The following TNRC6B variants were observed in gnomAD, a reference collection of about 807,000 sequenced individuals.
The protein encoded by TNRC6B is trinucleotide repeat-containing gene 6B protein.
Under a neutral mutation model 203.6 loss-of-function variants are expected in TNRC6B, and 52 were observed. The observed-to-expected ratio is 0.26, with a 90% CI of 0.20 to 0.32. TNRC6B has a LOEUF of 0.32. Among genes scored for constraint, TNRC6B ranks in the 10% least tolerant of loss-of-function variants. The pLI, the probability that TNRC6B is intolerant of heterozygous loss-of-function variation, is 1.00. For missense variants in TNRC6B, 1,923 were observed against 2,286.2 expected (o/e 0.84, Z 3.24); for synonymous variants, 838 against 845.7 (o/e 0.99, Z 0.16).
At chr22:40,315,849 A>G in intron 20 of TNRC6B, 93 bp from the exon 21 acceptor site, 1 of 960,936 alleles carries the variant, frequency 1.0e-6, no homozygotes, top group Non-Finnish European at 1.6e-6. Flanking sequence ...AAAGCAGAGA[A>G]GAAATGTGAG....
intron 2 of TNRC6B, 36 bp downstream of exon 2, chr22:40,246,138 C>T: frequency 6.2e-6 from 9 of 1,455,714 alleles, no homozygotes; most frequent in Non-Finnish European, 8.3e-6. Flanking sequence ...TTTTTATCTG[C>T]TAGGCATCCA....
intron 1 of TNRC6B, among the ~76,000 whole-genome samples, 184 bp downstream of exon 1, chr22:40,178,324 CGTG>C (rs1406654423): frequency 3.9e-5 from 6 of 152,178 alleles, no homozygotes; most frequent in Admixed American, 6.5e-5. Flanking sequence ...ATGGAAAAGA[CGTG>C]GTAAAATATT....
In TNRC6B at chr22:40,322,961, C is replaced by T. The variant is rs202053674; in HGVS notation, c.5222C>T (p.Ala1741Val). The T allele has an allele frequency of 1.9e-5, 30 of 1,612,886 alleles. No individual in the cohort carries two copies. Among genetic ancestry groups the T allele is most frequent in the Middle Eastern group, 1.7e-4 (1 of 6,056 alleles). The change falls in exon 23 of 23, where the codon GCG becomes GTG. Residue 1741 changes from alanine (A) to valine (V), a missense_variant. Coordinates refer to ENST00000454349, the MANE Select transcript of TNRC6B (RefSeq NM_001162501.2). Reference sequence around the variant, plus strand: ...CCTACACCTGCAGCAACCCCAAGTGCGCCAGCTGCGGGGTGGCAGTCGCTG... The same window carrying T: ...CCTACACCTGCAGCAACCCCAAGTGTGCCAGCTGCGGGGTGGCAGTCGCTG... ...QPPTPAATPS[A>V]PAAGWQSLET... is the part of the protein sequence containing the mutation.
chr22:40,279,438 A>G (rs2070695282), intron 9 of TNRC6B, among the ~76,000 whole-genome samples: 1 of 152,236 alleles, frequency 6.6e-6, no homozygotes, highest in Non-Finnish European at 1.5e-5. Flanking sequence ...TGGTATAGTT[A>G]TGGCACCTGG....
intron 1 of TNRC6B, among the ~76,000 whole-genome samples, chr22:40,092,625 C>A (rs2068159124): frequency 6.6e-6 from 1 of 152,116 alleles, no homozygotes; most frequent in Non-Finnish European, 1.5e-5. Flanking sequence ...CCTCCCACTT[C>A]AGCCTCCCAA....
intron 21 of TNRC6B, 97 bp from the exon 22 acceptor site, chr22:40,320,992 TG>T: frequency 7.1e-7 from 1 of 1,414,018 alleles, no homozygotes; most frequent in Non-Finnish European, 9.7e-7. Flanking sequence ...ATTTGCAAAA[TG>T]GGCACACTAG....
At chr22:40,221,317 G>T (rs2069705157) in intron 1 of TNRC6B, among the ~76,000 whole-genome samples, 1 of 152,090 alleles carries the variant, frequency 6.6e-6, no homozygotes, top group Non-Finnish European at 1.5e-5. Context: ...AGCTATTTCA[G>T]GAACAATGTT....
Position 40,281,113 on chromosome 22 carries a change from T to A in TNRC6B, c.3412-6T>A. Reference sequence around the variant, plus strand: ...TTGTGATTGGCTAACTCCTACTACTTTTCAGCTGACTTTGCCTTTCTCCAA... The same window carrying A: ...TTGTGATTGGCTAACTCCTACTACTATTCAGCTGACTTTGCCTTTCTCCAA... On this transcript the variant is annotated splice_polypyrimidine_tract_variant and splice_region_variant and intron_variant, in intron 10 of 22. Transcript: ENST00000454349. 1 of 1,547,136 alleles carries A rather than the reference T, an allele frequency of 6.5e-7. No homozygotes were observed. Among genetic ancestry groups the A allele is most frequent in the Non-Finnish European group, 8.7e-7 (1 of 1,144,840 alleles).
chr22:40,322,995 C>G lies in TNRC6B; in HGVS notation c.5256C>G (p.Gly1752=), dbSNP rs1274199677. The G allele has an allele frequency of 1.9e-6, 3 of 1,609,430 alleles. No individual in the cohort carries two copies. The highest frequency in any genetic ancestry group is 1.7e-5 in the Admixed American group (1 of 59,000). The stretch of plus-strand genomic sequence containing the variant: ...CGGGGTGGCAGTCGCTGGAGACCGG[C>G]CAGAACCAGTCAGATCCCGTGGGAC... ...PAAGWQSLET[G]QNQSDPVGPA... The change falls in exon 23 of 23, where the codon GGC becomes GGG. Residue 1752 remains glycine, a synonymous_variant. Coordinates refer to ENST00000454349, the MANE Select transcript of TNRC6B (RefSeq NM_001162501.2).
chr22:40,113,135 G>C (rs910774338), intron 1 of TNRC6B, among the ~76,000 whole-genome samples: 1 of 152,178 alleles, frequency 6.6e-6, no homozygotes, highest in Admixed American at 6.5e-5. Flanking sequence ...ACTAGGAAGG[G>C]AAAGAGGGGA....
rs373583811 is a variant in TNRC6B at position 40,265,257 on chromosome 22, T to G, written c.1027T>G (p.Ser343Ala). ...SAQVSTVGQT[S>A]REQQSKMENA... ...ACAGGTTAGCACAGTAGGTCAGACA[T>G]CCAGGGAACAGCAGTCAAAGATGGA... Residue 343 changes from serine (S) to alanine (A), a missense_variant, in exon 5 of 23, where the codon TCC (serine) becomes GCC (alanine). Physicochemically the swap from Ser to Ala is moderately conservative, Grantham distance 99. Coordinates refer to ENST00000454349, the MANE Select transcript of TNRC6B (RefSeq NM_001162501.2). 8.1e-5 allele frequency: 130 copies of G among 1,613,874 alleles called. No individual in the cohort carries two copies. Among genetic ancestry groups the G allele is most frequent in the Non-Finnish European group, 1.7e-5 (20 of 1,179,902 alleles).
intron 3 of TNRC6B, among the ~76,000 whole-genome samples, chr22:40,152,876 G>A (rs1222354071): frequency 1.3e-5 from 2 of 152,130 alleles, no homozygotes; most frequent in Non-Finnish European, 2.9e-5. Flanking sequence ...TGAGGCAGAT[G>A]GGTCACCTGA....
chr22:40,081,930 T>A (rs1416328761), intron 1 of TNRC6B, among the ~76,000 whole-genome samples: 1 of 149,738 alleles, frequency 6.7e-6, no homozygotes, highest in African/African-American at 2.5e-5. Flanking sequence ...GTGGTGCCAT[T>A]ATTCTCTTTA....
intron 1 of TNRC6B, among the ~76,000 whole-genome samples, chr22:40,217,562 G>T (rs2146430459): frequency 6.6e-6 from 1 of 152,194 alleles, no homozygotes; most frequent in East Asian, 1.9e-4. Context: ...TAGTCTTCTA[G>T]AATTTACACA....
chr22:40,226,665 AGGAAAATCAAAT>A (rs1426885418), intron 1 of TNRC6B, among the ~76,000 whole-genome samples: 1 of 152,230 alleles, frequency 6.6e-6, no homozygotes, highest in Non-Finnish European at 1.5e-5. Context: ...ACATGGTCAG[AGGAAAATCAAAT>A]GTATCATTGT....
intron 4 of TNRC6B, among the ~76,000 whole-genome samples, chr22:40,168,226 C>A (rs966256835): frequency 1.3e-5 from 2 of 152,154 alleles, no homozygotes; most frequent in Non-Finnish European, 2.9e-5. Flanking sequence ...AGTATTCATC[C>A]ATTCATTCCT....
At chr22:40,245,886 A>C in intron 1 of TNRC6B, 129 bp from the exon 2 acceptor site, 1 of 511,982 alleles carries the variant, frequency 2.0e-6, no homozygotes, top group African/African-American at 2.0e-5. Flanking sequence ...ATTTAAATGA[A>C]ATACTGTGTT....
intron 4 of TNRC6B, among the ~76,000 whole-genome samples, chr22:40,157,203 A>T (rs1270557722): frequency 2.0e-5 from 3 of 152,134 alleles, no homozygotes; most frequent in Admixed American, 1.3e-4. Flanking sequence ...CTGGTTTTTC[A>T]TATGCCCTTT....
At chr22:40,077,739 A>G (rs575850194) in intron 1 of TNRC6B, among the ~76,000 whole-genome samples, 106 of 152,014 alleles carry the variant, frequency 7.0e-4, no homozygotes, top group Non-Finnish European at 1.4e-3. Flanking sequence ...TGAGATAACC[A>G]CTGTTAACAT....
Sources: allele counts gnomAD v4.1 joint callset (sites outside exome capture counted in the v4.1 genomes callset), GRCh38; gene constraint gnomAD v4.1.1; transcripts MANE v1.5; gene names NCBI Gene and HGNC (gene_info 2026-07-23, HGNC 2026-07-21).